Variants in RYR3 observed in about 807,000 individuals in gnomAD.
RYR3 encodes the protein ryanodine receptor 3, also known as brain ryanodine receptor-calcium release channel.
Under a neutral mutation model 584.3 loss-of-function variants are expected in RYR3, and 207 were observed. The observed-to-expected ratio is 0.35, with a 90% CI of 0.32 to 0.40. The LOEUF (loss-of-function observed/expected upper bound fraction) is 0.40, where lower values mean the gene tolerates loss of function less well. Among genes scored for constraint, RYR3 ranks in the 10% least tolerant of loss-of-function variants. The pLI is 1.00. For synonymous variants in RYR3, 2,416 were observed against 2,248.5 expected (o/e 1.07, Z -2.11); for missense variants, 5,616 against 6,089.2 (o/e 0.92, Z 2.59).
intron 18 of RYR3, among the ~76,000 whole-genome samples, chr15:33,608,646 A>G (rs1195233955): frequency 6.6e-6 from 1 of 152,236 alleles, no homozygotes; most frequent in Non-Finnish European, 1.5e-5. Flanking sequence ...GTGATTATCA[A>G]CAGTTACCCT....
chr15:33,688,572 C>CAAA (rs34312921), intron 38 of RYR3, among the ~76,000 whole-genome samples: 59 of 63,608 alleles, frequency 9.3e-4, no homozygotes, highest in African/African-American at 1.0e-3. Context: ...GACTCCATCT[C>CAAA]AAAAAAAAAA....
At chr15:33,744,011 C>T (rs890555866) in intron 52 of RYR3, among the ~76,000 whole-genome samples, 12 of 152,186 alleles carry the variant, frequency 7.9e-5, no homozygotes, top group East Asian at 1.9e-4. Context: ...AGCCTCATCT[C>T]CTCCTTTGCC....
intron 2 of RYR3, among the ~76,000 whole-genome samples, chr15:33,482,832 T>C (rs2050092356): frequency 6.6e-6 from 1 of 152,170 alleles, no homozygotes; most frequent in Non-Finnish European, 1.5e-5. Context: ...TTTCATTAAG[T>C]ATAGAATTTG....
intron 22 of RYR3, 151 bp from the exon 23 acceptor site, chr15:33,631,059 C>T (rs74005911): frequency 0.054 from 30,178 of 557,702 alleles, 898 homozygotes; most frequent in East Asian, 0.079. Flanking sequence ...AAGCCTAAGG[C>T]ATTTACTCTG....
chr15:33,700,000 G>A (rs1023748071), intron 41 of RYR3, among the ~76,000 whole-genome samples, 167 bp downstream of exon 41: 20 of 152,242 alleles, frequency 1.3e-4, no homozygotes, highest in African/African-American at 4.8e-4. Flanking sequence ...GATGCCACAA[G>A]AACGTTCTCC....
At chr15:33,721,300 G>A (rs181344567) in intron 43 of RYR3, among the ~76,000 whole-genome samples, 137 of 152,276 alleles carry the variant, frequency 9.0e-4, no homozygotes, top group African/African-American at 3.0e-3. Flanking sequence ...CTGATGCTCC[G>A]GTCCCAGACA....
intron 1 of RYR3, 70 bp from the exon 2 acceptor site, chr15:33,473,349 C>T (rs1411843985): frequency 1.9e-6 from 3 of 1,598,242 alleles, no homozygotes; most frequent in Non-Finnish European, 2.6e-6. Context: ...GACTCAGGTA[C>T]AGGAAGGTGA....
intron 90 of RYR3, 98 bp from the exon 91 acceptor site, chr15:33,841,766 C>G (rs565942693): frequency 3.2e-6 from 4 of 1,236,454 alleles, no homozygotes; most frequent in Admixed American, 2.6e-5. Flanking sequence ...TTCTACCTCC[C>G]GGCCCTCTCA....
intron 14 of RYR3, among the ~76,000 whole-genome samples, chr15:33,584,141 G>A (rs961821619): frequency 1.3e-5 from 2 of 152,140 alleles, no homozygotes; most frequent in African/African-American, 4.8e-5. Flanking sequence ...TGGAGGCTGA[G>A]GCGAGAGGAT....
At chr15:33,746,029 T>G in intron 52 of RYR3, 39 bp from the exon 53 acceptor site, 1 of 1,403,442 alleles carries the variant, frequency 7.1e-7, no homozygotes, top group South Asian at 1.2e-5. Flanking sequence ...CGGGGTTCTT[T>G]GCGTGCCAAG....
chr15:33,718,840 G>A (rs778736262), intron 43 of RYR3, among the ~76,000 whole-genome samples: 2 of 152,138 alleles, frequency 1.3e-5, no homozygotes, highest in Non-Finnish European at 2.9e-5. Context: ...AGCCTTTGAA[G>A]AAAGGCACTG....
intron 12 of RYR3, among the ~76,000 whole-genome samples, chr15:33,569,185 T>C (rs2057883711): frequency 6.6e-6 from 1 of 152,354 alleles, no homozygotes; most frequent in East Asian, 1.9e-4. Context: ...TTTTCAGATA[T>C]GGTTTCCATT....
At chr15:33,756,679 G>C (rs1219452153) in intron 59 of RYR3, among the ~76,000 whole-genome samples, 1 of 152,126 alleles carries the variant, frequency 6.6e-6, no homozygotes, top group Non-Finnish European at 1.5e-5. Flanking sequence ...GTGGGAAAGG[G>C]AAAAGGAGAA....
intron 78 of RYR3, 74 bp from the exon 79 acceptor site, chr15:33,821,196 C>A: frequency 8.3e-7 from 1 of 1,202,488 alleles, no homozygotes; most frequent in Non-Finnish European, 1.2e-6. Flanking sequence ...AAAATTCTCT[C>A]TCACCTCACT....
intron 8 of RYR3, among the ~76,000 whole-genome samples, chr15:33,544,125 AGTGCCAAGGGTGCATTTAGAGGGCGCT>A (rs1174901602): frequency 6.6e-6 from 1 of 152,176 alleles, no homozygotes; most frequent in African/African-American, 2.4e-5. Context: ...AGCAGGGGGT[AGTGCCAAGGGTGCATTTAGAGGGCGCT>A]GTGCCAAGGA....
In RYR3 at chr15:33,425,742, T is replaced by C. The variant is rs184693141; in HGVS notation, c.52-47677T>C. ...CTGCAAGCTCCGCCTCCCGGGTTCA[T>C]GCCATTCTCCTGCCTCAGCCTCCCG... On this transcript the variant is annotated intron_variant, in intron 1 of 103. Coordinates refer to ENST00000634891, the MANE Select transcript of RYR3 (RefSeq NM_001036.6). 6.4e-3 allele frequency among the ~76,000 whole-genome samples: 967 copies of C among 150,758 alleles called. 5 individuals are homozygous for C. The highest frequency in any genetic ancestry group is 0.016 in the African/African-American group (665 of 40,956).
At chr15:33,617,424 T>C (rs1334057458) in intron 19 of RYR3, among the ~76,000 whole-genome samples, 2 of 140,654 alleles carry the variant, frequency 1.4e-5, no homozygotes, top group Non-Finnish European at 3.1e-5. Flanking sequence ...AAAAAAAACG[T>C]ATTTTATAAT....
In RYR3 at chr15:33,472,513, G is replaced by A. The variant is rs534756138; in HGVS notation, c.52-906G>A. ...CAGCTGGCTCCCCCAGGTCACTTCC[G>A]TAACTTAACCACACCTGGAAATCTG... On this transcript the variant is annotated intron_variant, in intron 1 of 103. Coordinates refer to ENST00000634891, the MANE Select transcript of RYR3 (RefSeq NM_001036.6). Among the ~76,000 whole-genome samples the A allele has an allele frequency of 1.3e-4, 20 of 152,246 alleles. 1 individual carries two copies. In the South Asian group the frequency reaches 3.5e-3, roughly 27 times the overall value.
intron 38 of RYR3, among the ~76,000 whole-genome samples, chr15:33,683,081 G>A (rs1192554656): frequency 6.6e-6 from 1 of 151,524 alleles, no homozygotes; most frequent in Non-Finnish European, 1.5e-5. Flanking sequence ...TGCAAGCTCC[G>A]CCTCCCGGGT....
Sources: gnomAD v4.1 joint callset for allele counts (sites outside exome capture counted in the v4.1 genomes callset) on GRCh38, gnomAD v4.1.1 for gene constraint, MANE v1.5 for transcripts, NCBI Gene and HGNC (gene_info 2026-07-23, HGNC 2026-07-21) for gene names.